OCA2: variants seen among roughly 807,000 people sequenced by gnomAD.
OCA2 encodes the protein OCA2 melanosomal transmembrane protein, also known as P protein.
In OCA2, 77 loss-of-function variants were observed where a neutral mutation model predicts 100.2. The observed-to-expected ratio is 0.77, with a 90% CI of 0.64 to 0.93. The LOEUF (loss-of-function observed/expected upper bound fraction) is 0.93. OCA2 is among the 40% of genes least tolerant of loss of function. The pLI is 0.00. For missense variants in OCA2, 1,062 were observed against 1,089.1 expected, an observed-to-expected ratio of 0.98 and a Z score of 0.35; for synonymous variants, 432 against 439.2, an observed-to-expected ratio of 0.98 and a Z score of 0.21.
At chr15:27,740,309 A>T in the OCA2 span, among the ~76,000 whole-genome samples, 1 of 152,108 alleles carries the variant, frequency 6.6e-6, no homozygotes, top group Non-Finnish European at 1.5e-5. Flanking sequence ...GAGGGACAGA[A>T]AAAGATCAAA....
chr15:27,871,365 AC>A, intron 20 of OCA2, 107 bp from the exon 21 acceptor site: 1 of 797,398 alleles, frequency 1.3e-6, no homozygotes, highest in Non-Finnish European at 2.1e-6. Context: ...CCTTCCTCTT[AC>A]CCATCACGAG....
intron 9 of OCA2, among the ~76,000 whole-genome samples, chr15:28,001,123 T>C (rs2041911352): frequency 6.6e-6 from 1 of 152,084 alleles, no homozygotes; most frequent in Non-Finnish European, 1.5e-5. Context: ...CCAAAGGAAA[T>C]GGAATCAGAA....
intron 19 of OCA2, chr15:27,896,008 C>A: frequency 8.3e-6 from 8 of 964,172 alleles, no homozygotes; most frequent in South Asian, 1.3e-5. Flanking sequence ...ATTGTACTGG[C>A]CTGCAGGCTT....
Position 27,792,151 on chromosome 15 carries a change from G to T in OCA2, c.2433-36679C>A, listed in dbSNP as rs114141010. On this transcript the variant is annotated intron_variant, in intron 23 of 23. Coordinates refer to ENST00000354638, the MANE Select transcript of OCA2 (RefSeq NM_000275.3). ...ACCAATACCCAAAAAGATACACAATGAACATCGCAGCCTTATATGGGCTTA... is the reference window on the plus strand; with the variant it reads ...ACCAATACCCAAAAAGATACACAATTAACATCGCAGCCTTATATGGGCTTA... Among the ~76,000 whole-genome samples the T allele has an allele frequency of 2.8e-3, 429 of 152,326 alleles. 6 individuals are homozygous for T. Among genetic ancestry groups the T allele is most frequent in the African/African-American group, 9.8e-3 (407 of 41,578 alleles).
At chr15:27,977,993 T>G (rs2041024931) in intron 14 of OCA2, among the ~76,000 whole-genome samples, 1 of 152,336 alleles carries the variant, frequency 6.6e-6, no homozygotes. Flanking sequence ...TATTTGGTTA[T>G]CGCATTCCAA....
intron 19 of OCA2, among the ~76,000 whole-genome samples, chr15:27,907,527 G>A (rs2703921): frequency 0.63 from 96,242 of 151,910 alleles, 31,104 homozygotes; most frequent in East Asian, 0.96. Context: ...TTAATGACAT[G>A]GAGAATATAA....
At chr15:27,737,789 T>C in the OCA2 span, among the ~76,000 whole-genome samples, 1 of 152,170 alleles carries the variant, frequency 6.6e-6, no homozygotes, top group Non-Finnish European at 1.5e-5. Flanking sequence ...AAATATGCCA[T>C]TAAAAGAGTA....
intron 2 of OCA2, among the ~76,000 whole-genome samples, chr15:28,052,347 A>G (rs2043544374): frequency 6.6e-6 from 1 of 152,256 alleles, no homozygotes; most frequent in African/African-American, 2.4e-5. Context: ...GAAATAGCTC[A>G]TTAGAAACTT....
At chr15:27,755,524 T>G in intron 23 of OCA2, 52 bp from the exon 24 acceptor site, 2 of 1,405,798 alleles carry the variant, frequency 1.4e-6, no homozygotes, top group South Asian at 1.2e-5. Context: ...GATAATCTCA[T>G]GAGATACGGA....
At chr15:27,768,746 T>A (rs1166452206) in intron 23 of OCA2, among the ~76,000 whole-genome samples, 1 of 152,232 alleles carries the variant, frequency 6.6e-6, no homozygotes, top group Non-Finnish European at 1.5e-5. Flanking sequence ...GTGATAACCC[T>A]GTCTATGGGA....
chr15:27,743,625 G>C, the OCA2 span, among the ~76,000 whole-genome samples: 1 of 152,138 alleles, frequency 6.6e-6, no homozygotes, highest in Non-Finnish European at 1.5e-5. Flanking sequence ...GGCCCAGGGA[G>C]GCCATGAATT....
At chr15:27,930,532 C>T (rs2039209330) in intron 18 of OCA2, among the ~76,000 whole-genome samples, 2 of 151,678 alleles carry the variant, frequency 1.3e-5, no homozygotes, top group South Asian at 2.1e-4. Flanking sequence ...CACAGCCACC[C>T]ATTTACATAC....
chr15:27,863,554 G>A (rs2151462694), intron 21 of OCA2, among the ~76,000 whole-genome samples: 1 of 152,264 alleles, frequency 6.6e-6, no homozygotes, highest in Non-Finnish European at 1.5e-5. Context: ...TCCCAGTGCT[G>A]TGATGCTGCC....
intron 1 of OCA2, among the ~76,000 whole-genome samples, chr15:28,095,313 C>T (rs1405001706): frequency 6.6e-6 from 1 of 152,134 alleles, no homozygotes; most frequent in Admixed American, 6.5e-5. Context: ...CGGGGGACCG[C>T]GGCCCTCCCA....
chr15:27,806,655 G>A (rs964441245), intron 23 of OCA2, among the ~76,000 whole-genome samples: 2 of 152,230 alleles, frequency 1.3e-5, no homozygotes, highest in Admixed American at 6.5e-5. Context: ...GCACTGATGA[G>A]TCTACCTGGC....
rs1317130325 is a variant in OCA2, at chr15:28,043,558, A to C, written c.228-11395T>G. On this transcript the variant is annotated intron_variant, in intron 2 of 23. Coordinates refer to ENST00000354638, the MANE Select transcript of OCA2 (RefSeq NM_000275.3). This position sits in a 1 kb window ranked among gnomAD's most constrained non-coding sequence, Gnocchi z 4.4. ...GGATGCAATCCTTCCTTTTCAAAGCAAACGGATGGAACATGAAAGACTCCT... is the reference window on the plus strand; with the variant it reads ...GGATGCAATCCTTCCTTTTCAAAGCCAACGGATGGAACATGAAAGACTCCT... Among the ~76,000 whole-genome samples the C allele has an allele frequency of 1.3e-5, 2 of 152,220 alleles. No individual in the cohort carries two copies. The highest frequency in any genetic ancestry group is 4.8e-5 in the African/African-American group (2 of 41,464).
At chr15:27,964,913 G>A (rs961527824) in intron 15 of OCA2, among the ~76,000 whole-genome samples, 4 of 152,110 alleles carry the variant, frequency 2.6e-5, no homozygotes, top group African/African-American at 4.8e-5. Flanking sequence ...CACTTCCCTC[G>A]AAGCTTTTCT....
At chr15:27,806,457 G>C (rs1047241296) in intron 23 of OCA2, among the ~76,000 whole-genome samples, 5 of 152,164 alleles carry the variant, frequency 3.3e-5, no homozygotes, top group African/African-American at 1.2e-4. Flanking sequence ...ATTCAGACGT[G>C]AGCATAGGTG....
chr15:27,826,737 C>G (rs1047208965), intron 23 of OCA2, among the ~76,000 whole-genome samples: 1 of 152,208 alleles, frequency 6.6e-6, no homozygotes, highest in Non-Finnish European at 1.5e-5. Flanking sequence ...ATGAGGCCAT[C>G]CAGATGAACC....
Sources: gnomAD v4.1 joint callset for allele counts (sites outside exome capture counted in the v4.1 genomes callset) on GRCh38, gnomAD v4.1.1 for gene constraint, Gnocchi (gnomAD v3.1) non-coding constraint, MANE v1.5 for transcripts, NCBI Gene and HGNC (gene_info 2026-07-23, HGNC 2026-07-21) for gene names.